EYA3: variants seen among roughly 807,000 people sequenced by gnomAD.
EYA3 encodes the protein protein phosphatase EYA3.
In EYA3, 39 loss-of-function variants were observed where a neutral mutation model predicts 80.0. The observed-to-expected ratio is 0.49, with a 90% confidence interval of 0.38 to 0.64. EYA3 has a LOEUF of 0.64. Ranked by LOEUF, EYA3 falls within the 30% of genes least tolerant of loss-of-function variation. The pLI is 0.00. For missense variants in EYA3, 523 were observed against 676.1 expected, an observed-to-expected ratio of 0.77 and a Z score of 2.51; for synonymous variants, 206 against 232.8, an observed-to-expected ratio of 0.88 and a Z score of 1.05.
rs780462925 is a variant in EYA3, at chr1:28,028,667, C to T, written c.362-741G>A. ...CCAGGCCTCAAGCGATACTTTTGCC[C>T]CAGCCTCCTTTAGTGCTGGGATTAT... On this transcript the variant is annotated intron_variant, in intron 6 of 17. Transcript: ENST00000373871. 2.0e-5 allele frequency among the ~76,000 whole-genome samples: 3 copies of T among 150,598 alleles called. No individual in the cohort carries two copies. The East Asian group carries it at 5.9e-4, about 29-fold the overall frequency.
intron 2 of EYA3, among the ~76,000 whole-genome samples, chr1:28,055,408 A>C (rs948064229): frequency 1.3e-5 from 2 of 152,052 alleles, no homozygotes; most frequent in Non-Finnish European, 2.9e-5. Context: ...ATAAAGGGAA[A>C]GTGAAAGAAT....
intron 7 of EYA3, among the ~76,000 whole-genome samples, chr1:28,027,402 G>C (rs1642851823): frequency 6.6e-6 from 1 of 152,168 alleles, no homozygotes; most frequent in South Asian, 2.1e-4. Context: ...CAGAAAAGCA[G>C]CACACACCTC....
chr1:28,006,477 C>G (rs1454298052), intron 10 of EYA3, among the ~76,000 whole-genome samples: 1 of 152,096 alleles, frequency 6.6e-6, no homozygotes, highest in Admixed American at 6.6e-5. Flanking sequence ...GAGACTGAAG[C>G]AGGTGGATCA....
intron 1 of EYA3, among the ~76,000 whole-genome samples, chr1:28,073,598 C>A: frequency 6.6e-6 from 1 of 151,886 alleles, no homozygotes; most frequent in East Asian, 1.9e-4. Flanking sequence ...TTGCACCCAG[C>A]CTAATTTTTG....
At chr1:28,063,352 CT>C (rs371840536) in intron 1 of EYA3, among the ~76,000 whole-genome samples, 123 of 93,520 alleles carry the variant, frequency 1.3e-3, no homozygotes, top group South Asian at 1.7e-3. Flanking sequence ...TAACTAAAAC[CT>C]TTTTTTTTTT....
intron 2 of EYA3, among the ~76,000 whole-genome samples, chr1:28,050,648 G>T (rs897042260): frequency 6.6e-6 from 1 of 152,054 alleles, no homozygotes; most frequent in African/African-American, 2.4e-5. Flanking sequence ...AAGCAGAAAA[G>T]TCTGGGGAAG....
chr1:28,040,619 G>A (rs934091448), intron 4 of EYA3, among the ~76,000 whole-genome samples: 1 of 152,206 alleles, frequency 6.6e-6, no homozygotes, highest in Non-Finnish European at 1.5e-5. Context: ...AAAGTACTGA[G>A]AGGGAGAATG....
Position 27,993,383 on chromosome 1 carries a change from T to C in EYA3, c.1303+17A>G. 6.2e-7 allele frequency: 1 copy of C among 1,611,020 alleles called. No individual in the cohort carries two copies. The highest frequency in any genetic ancestry group is 1.1e-5 in the South Asian group (1 of 90,564). On this transcript the variant is annotated intron_variant, in intron 14 of 17. Coordinates refer to ENST00000373871, the MANE Select transcript of EYA3 (RefSeq NM_001990.4). Reference sequence around the variant, plus strand: ...AGGAAGAAACAGAGAATCAGACTGGTTATATGCCACACTTACCACCCACGT... The same window carrying C: ...AGGAAGAAACAGAGAATCAGACTGGCTATATGCCACACTTACCACCCACGT...
rs541507280 is a variant in EYA3 at position 27,993,677 on chromosome 1, T to C, written c.1143-117A>G. The C allele has an allele frequency of 2.7e-5, 20 of 728,312 alleles. No individual in the cohort carries two copies. The South Asian group carries it at 4.5e-4, about 17-fold the overall frequency. The allele number at this position is 728,312 out of a possible 1,614,324, so 45.1% of individuals were successfully genotyped here. On this transcript the variant is annotated intron_variant, in intron 13 of 17. Coordinates refer to ENST00000373871, the MANE Select transcript of EYA3 (RefSeq NM_001990.4). ...ATAAGGCCAATGGCTTTAAGGATCT[T>C]CTTCCTTAATCTCTGTATGTCAGAG...
In EYA3 at chr1:28,066,186, C is replaced by T. The variant is rs186147913; in HGVS notation, c.-68-8092G>A. On this transcript the variant is annotated intron_variant, in intron 1 of 17. Transcript: ENST00000373871. The stretch of plus-strand genomic sequence containing the variant: ...CAGGAAAGAGCAAAATGGAGAGAGA[C>T]TTCATCACACTACTCAGATCAGTGC... Among the ~76,000 whole-genome samples the T allele has an allele frequency of 4.6e-3, 699 of 152,120 alleles. 5 individuals carry two copies. Among genetic ancestry groups the T allele is most frequent in the African/African-American group, 0.016 (669 of 41,502 alleles).
chr1:28,073,788 G>C (rs1270080235), intron 1 of EYA3, among the ~76,000 whole-genome samples: 2 of 152,098 alleles, frequency 1.3e-5, no homozygotes, highest in South Asian at 4.1e-4. Context: ...AAAACTTACA[G>C]AACTGTATGT....
At chr1:27,993,015 T>C (rs1490614958) in intron 14 of EYA3, among the ~76,000 whole-genome samples, 1 of 152,174 alleles carries the variant, frequency 6.6e-6, no homozygotes, top group African/African-American at 2.4e-5. Context: ...CCACGAAAAG[T>C]TACTAGCTAG....
chr1:28,064,024 C>A (rs1019736721), intron 1 of EYA3, among the ~76,000 whole-genome samples: 3 of 151,746 alleles, frequency 2.0e-5, no homozygotes, highest in Admixed American at 6.6e-5. Context: ...ATAAGAAGTA[C>A]TTTCACTCAT....
intron 2 of EYA3, among the ~76,000 whole-genome samples, chr1:28,050,529 T>C (rs1212049432): frequency 1.3e-5 from 2 of 152,046 alleles, no homozygotes; most frequent in Admixed American, 1.3e-4. Context: ...CAAGGAAGAA[T>C]TATGCTTCTT....
rs1638822727 is a variant in EYA3 at position 27,974,051 on chromosome 1, C to T, written c.*415G>A. ...GAGTGCAACTCTGCCCCAGGAATTT[C>T]CTTTTCTTTTTCATTTTTTGAAAAC... On this transcript the variant is annotated 3_prime_UTR_variant, in exon 18 of 18. Transcript: ENST00000373871. 1 of 154,736 alleles carries T rather than the reference C, an allele frequency of 6.5e-6. No individual in the cohort carries two copies. Among genetic ancestry groups the T allele is most frequent in the Non-Finnish European group, 1.4e-5 (1 of 69,678 alleles). The allele number at this position is 154,736 out of a possible 1,614,324, so 9.6% of individuals were successfully genotyped here.
At position 28,011,080 on chromosome 1, in the gene EYA3, G is replaced by C; in HGVS notation, c.776C>G (p.Pro259Arg). Residue 259 changes from proline (P) to arginine (R), a missense_variant, in exon 10 of 18, where the codon CCT becomes CGT. By Grantham distance (103) the Pro-to-Arg change is moderately radical. This residue lies in a region of EYA3 where 304 missense variants were observed against 343.3 expected (regional missense o/e 0.89). Coordinates refer to ENST00000373871, the MANE Select transcript of EYA3 (RefSeq NM_001990.4). ...PAAQRLSSGD[P>R]STSPSLSQTT... ...CTGGGACAAAGATGGACTTGTAGAAGGGTCTCCTGGAAAGAAAAAGTGAAA... is the reference window on the plus strand; with the variant it reads ...CTGGGACAAAGATGGACTTGTAGAACGGTCTCCTGGAAAGAAAAAGTGAAA... 1 of 1,611,968 alleles carries C rather than the reference G, an allele frequency of 6.2e-7. No homozygotes were observed. The highest frequency in any genetic ancestry group is 8.5e-7 in the Non-Finnish European group (1 of 1,179,396).
intron 1 of EYA3, among the ~76,000 whole-genome samples, chr1:28,065,945 G>A (rs994157590): frequency 3.3e-5 from 5 of 151,664 alleles, no homozygotes; most frequent in Non-Finnish European, 7.4e-5. Flanking sequence ...GGAGGCGGAG[G>A]TTGCAGTGAG....
In EYA3 at chr1:28,023,844, C is replaced by T. The variant is rs1222745053; in HGVS notation, c.499+3945G>A. Reference sequence around the variant, plus strand: ...AATTGTAACAAGTGTAATATACTAACGTAAGATGTTAATAATGGGAAACTG... The same window carrying T: ...AATTGTAACAAGTGTAATATACTAATGTAAGATGTTAATAATGGGAAACTG... On this transcript the variant is annotated intron_variant, in intron 7 of 17. Transcript: ENST00000373871. Among the ~76,000 whole-genome samples, 8 of 152,200 alleles carry T rather than the reference C, an allele frequency of 5.3e-5. No homozygotes were observed. In the East Asian group the frequency reaches 5.8e-4, roughly 11 times the overall value.
intron 8 of EYA3, among the ~76,000 whole-genome samples, chr1:28,016,661 TAA>T (rs1161251549): frequency 6.8e-6 from 1 of 148,076 alleles, no homozygotes; most frequent in Non-Finnish European, 1.5e-5. Context: ...AAAACAAAAA[TAA>T]AAAACTCTAG....
Sources: gnomAD v4.1 joint callset for allele counts (sites outside exome capture counted in the v4.1 genomes callset) on GRCh38, gnomAD v4.1.1 for gene constraint, gnomAD v4.1.1 regional missense constraint, MANE v1.5 for transcripts, NCBI Gene and HGNC (gene_info 2026-07-23, HGNC 2026-07-21) for gene names.